Variants in FCHSD2 observed in about 807,000 individuals in gnomAD.
FCHSD2 encodes the protein FCH and double SH3 domains 2.
In FCHSD2, 38 loss-of-function variants were observed where a neutral mutation model predicts 108.1. The observed-to-expected ratio is 0.35, with a 90% confidence interval of 0.27 to 0.46. The LOEUF (loss-of-function observed/expected upper bound fraction) is 0.46, where lower values mean the gene tolerates loss of function less well. Among genes scored for constraint, FCHSD2 ranks in the 20% least tolerant of loss-of-function variants. FCHSD2 has a pLI of 1.00. For synonymous variants in FCHSD2, 279 were observed against 314.7 expected, an observed-to-expected ratio of 0.89 and a Z score of 1.20; for missense variants, 751 against 897.8, an observed-to-expected ratio of 0.84 and a Z score of 2.09.
At chr11:73,002,750 A>G (rs1857651902) in intron 4 of FCHSD2, among the ~76,000 whole-genome samples, 1 of 152,096 alleles carries the variant, frequency 6.6e-6, no homozygotes, top group South Asian at 2.1e-4. Flanking sequence ...TCTCAGTTTA[A>G]ATGTAACTTC....
At chr11:73,117,356 C>T (rs567473434) in intron 2 of FCHSD2, among the ~76,000 whole-genome samples, 50 of 152,308 alleles carry the variant, frequency 3.3e-4, no homozygotes, top group African/African-American at 1.2e-3. Flanking sequence ...CTCTTAAATA[C>T]TACATAATAA....
At chr11:73,030,279 T>C (rs1315985608) in intron 3 of FCHSD2, among the ~76,000 whole-genome samples, 4 of 152,148 alleles carry the variant, frequency 2.6e-5, no homozygotes, top group African/African-American at 9.7e-5. Context: ...TGCTAGGTAC[T>C]AGCATAGATT....
intron 10 of FCHSD2, among the ~76,000 whole-genome samples, chr11:72,901,175 T>G (rs1855517611): frequency 1.3e-5 from 2 of 152,168 alleles, no homozygotes; most frequent in African/African-American, 4.8e-5. Context: ...GTAGGTGGCT[T>G]GAACTCAGGA....
At chr11:72,990,764 C>G (rs946042457) in intron 5 of FCHSD2, among the ~76,000 whole-genome samples, 2 of 152,144 alleles carry the variant, frequency 1.3e-5, no homozygotes, top group Non-Finnish European at 2.9e-5. Flanking sequence ...CAGGAAAGAT[C>G]TAAAATTGAC....
intron 10 of FCHSD2, among the ~76,000 whole-genome samples, chr11:72,895,728 G>A (rs982956521): frequency 2.0e-5 from 3 of 152,234 alleles, no homozygotes; most frequent in Middle Eastern, 3.4e-3. Context: ...CAACCACTAC[G>A]AACACTTAAC....
intron 2 of FCHSD2, among the ~76,000 whole-genome samples, chr11:73,110,999 G>T (rs1431476839): frequency 6.6e-6 from 1 of 151,642 alleles, no homozygotes; most frequent in Non-Finnish European, 1.5e-5. Context: ...TCTTGTTATT[G>T]ATTTCTAGTT....
intron 8 of FCHSD2, among the ~76,000 whole-genome samples, chr11:72,978,978 T>A (rs1383312423): frequency 1.3e-5 from 2 of 149,160 alleles, no homozygotes; most frequent in African/African-American, 4.9e-5. Context: ...TGCCTCAGCC[T>A]CCCTGAGTAG....
At chr11:73,141,815 C>G (rs1264515633) in intron 1 of FCHSD2, 42 bp downstream of exon 1, 1 of 1,536,004 alleles carries the variant, frequency 6.5e-7, no homozygotes, top group Non-Finnish European at 8.8e-7. Context: ...GTTCCGCGTA[C>G]GCATCTCTCC....
intron 3 of FCHSD2, among the ~76,000 whole-genome samples, chr11:73,049,411 G>A (rs886113408): frequency 7.3e-5 from 11 of 151,680 alleles, no homozygotes; most frequent in Non-Finnish European, 1.0e-4. Flanking sequence ...TTCATAGGAC[G>A]TTCAAGTGTG....
At chr11:72,958,110 T>C (rs1483802898) in intron 8 of FCHSD2, among the ~76,000 whole-genome samples, 2 of 152,210 alleles carry the variant, frequency 1.3e-5, no homozygotes, top group African/African-American at 4.8e-5. Context: ...TTTGGCTTCA[T>C]TTCACATGAA....
rs371827007 is a variant in FCHSD2 at position 72,971,820 on chromosome 11, A to G, written c.705+12268T>C. Among the ~76,000 whole-genome samples, 162 of 152,322 alleles carry G rather than the reference A, an allele frequency of 1.1e-3. 2 individuals are homozygous for G. The South Asian group carries it at 0.015, about 14-fold the overall frequency. On this transcript the variant is annotated intron_variant, in intron 8 of 19. Transcript: ENST00000409418. ...GACTTCTGACCTACAGAACTGTGAG[A>G]TAATAAATGGAGGTAGTTTAAAACG... is the stretch of plus-strand genomic sequence containing the variant.
chr11:73,096,987 A>ATTTTTTTTTTTTTTT (rs60223064), intron 2 of FCHSD2, among the ~76,000 whole-genome samples: 443 of 27,040 alleles, frequency 0.016, 169 homozygotes, highest in African/African-American at 0.025. Flanking sequence ...TCATTGATGG[A>ATTTTTTTTTTTTTTT]TTTTTTTTTT....
At chr11:72,872,464 C>G (rs184235898) in intron 12 of FCHSD2, among the ~76,000 whole-genome samples, 2 of 152,078 alleles carry the variant, frequency 1.3e-5, no homozygotes, top group Non-Finnish European at 2.9e-5. Context: ...CTATTCCCTG[C>G]AGTCTTGACA....
chr11:72,926,760 G>T (rs1856084241), intron 8 of FCHSD2, among the ~76,000 whole-genome samples: 1 of 152,188 alleles, frequency 6.6e-6, no homozygotes, highest in East Asian at 1.9e-4. Context: ...TTTCTAGCCA[G>T]AAAAACTGGC....
chr11:72,844,795 A>G (rs915035300), intron 14 of FCHSD2, among the ~76,000 whole-genome samples: 1 of 152,198 alleles, frequency 6.6e-6, no homozygotes, highest in Non-Finnish European at 1.5e-5. Context: ...ATAAGGCAAA[A>G]AAGGGGTCAT....
intron 2 of FCHSD2, among the ~76,000 whole-genome samples, chr11:73,104,319 C>T (rs1356388153): frequency 6.6e-6 from 1 of 152,120 alleles, no homozygotes; most frequent in African/African-American, 2.4e-5. Context: ...CAGGCTGGAG[C>T]GCAGTGGTGC....
intron 8 of FCHSD2, among the ~76,000 whole-genome samples, chr11:72,941,474 C>A (rs185937757): frequency 2.1e-5 from 2 of 94,864 alleles, no homozygotes; most frequent in African/African-American, 8.0e-5. Context: ...TATAGACTCC[C>A]AACTCTATTA....
intron 8 of FCHSD2, among the ~76,000 whole-genome samples, chr11:72,970,472 T>C (rs779887352): frequency 4.1e-4 from 62 of 152,374 alleles, no homozygotes; most frequent in Admixed American, 6.5e-4. Flanking sequence ...TTTAACCTGG[T>C]TGGTTTTAAA....
intron 3 of FCHSD2, among the ~76,000 whole-genome samples, chr11:73,067,261 C>A (rs1565394243): frequency 6.6e-6 from 1 of 152,062 alleles, no homozygotes; most frequent in Non-Finnish European, 1.5e-5. Context: ...TGTTCTCACT[C>A]ATAAGTGGGA....
Sources: gnomAD v4.1 joint callset for allele counts (sites outside exome capture counted in the v4.1 genomes callset) on GRCh38, gnomAD v4.1.1 for gene constraint, MANE v1.5 for transcripts, NCBI Gene and HGNC (gene_info 2026-07-23, HGNC 2026-07-21) for gene names.